Variants in PLXNA1 observed in about 807,000 individuals in gnomAD.
PLXNA1 encodes plexin A1.
In PLXNA1, 77 loss-of-function variants were observed where a neutral mutation model predicts 191.7. The ratio of observed to expected loss-of-function variants is 0.40; its 90% CI spans 0.33 to 0.49. The LOEUF (loss-of-function observed/expected upper bound fraction) is 0.49. Among genes scored for constraint, PLXNA1 ranks in the 20% least tolerant of loss-of-function variants. PLXNA1 has a pLI of 0.63. For synonymous variants in PLXNA1, 1,137 were observed against 1,156.4 expected, an observed-to-expected ratio of 0.98 and a Z score of 0.34; for missense variants, 2,110 against 2,660.2, an observed-to-expected ratio of 0.79 and a Z score of 4.55.
In PLXNA1 at chr3:127,016,932, G is replaced by C. The variant is rs758920864; in HGVS notation, c.3183-12G>C. On this transcript the variant is annotated splice_polypyrimidine_tract_variant and intron_variant, in intron 16 of 31. Coordinates refer to ENST00000393409, the MANE Select transcript of PLXNA1 (RefSeq NM_032242.4). ...ATCATTTGGTGACCCCCCCACCCCT[G>C]TCCTGTTCCAGCGGTGGGACCCTCC... 6.2e-7 allele frequency: 1 copy of C among 1,610,172 alleles called. No homozygotes were observed. The highest frequency in any genetic ancestry group is 8.5e-7 in the Non-Finnish European group (1 of 1,177,796).
At chr3:127,025,633 AT>A (rs1179261012) in intron 23 of PLXNA1, among the ~76,000 whole-genome samples, 1 of 152,188 alleles carries the variant, frequency 6.6e-6, no homozygotes, top group Non-Finnish European at 1.5e-5. Context: ...CCCTGGAACC[AT>A]TCTACTCTCT....
chr3:127,034,641 A>C lies in PLXNA1; in HGVS notation c.*624A>C, dbSNP rs1393589156. The C allele has an allele frequency of 6.6e-6, 1 of 152,576 alleles. No homozygotes were observed. Among genetic ancestry groups the C allele is most frequent in the Non-Finnish European group, 1.5e-5 (1 of 68,018 alleles). The allele number at this position is 152,576 out of a possible 1,614,324, so 9.5% of individuals were successfully genotyped here. A position where few individuals can be genotyped will look rare whatever the true frequency, so the allele number is the denominator to read the frequency against. On this transcript the variant is annotated 3_prime_UTR_variant, in exon 32 of 32. Coordinates refer to ENST00000393409, the MANE Select transcript of PLXNA1 (RefSeq NM_032242.4). Reference sequence around the variant, plus strand: ...ATTCACCGCGTGCTCTGCGCGGCCGAGGCCGGAGCACCACATCCACCTCGC... The same window carrying C: ...ATTCACCGCGTGCTCTGCGCGGCCGCGGCCGGAGCACCACATCCACCTCGC...
chr3:127,017,978 C>T (rs80135946), intron 19 of PLXNA1, 86 bp downstream of exon 19: 122,946 of 1,541,802 alleles, frequency 0.08, 6,393 homozygotes, highest in East Asian at 0.26. Context: ...CCAGCTCTGA[C>T]CTTGCCCGAG....
chr3:127,021,620 A>G (rs1226230268), intron 21 of PLXNA1, among the ~76,000 whole-genome samples: 2 of 152,076 alleles, frequency 1.3e-5, no homozygotes, highest in East Asian at 1.9e-4. Flanking sequence ...GCGGAGGGAG[A>G]TGGTAGACAT....
chr3:127,006,167 C>T lies in PLXNA1; in HGVS notation c.1986C>T (p.Ser662=), dbSNP rs373169511. ...ASVDFVFYNC[S]VHQSCLSCVN... is the part of the protein sequence containing the mutation. ...TGGACTTCGTCTTCTACAACTGCAG[C>T]GTCCACCAGTCGTGAGTGTCTCTAG... The change falls in exon 8 of 32, where the codon AGC becomes AGT. Residue 662 remains serine (S), a synonymous_variant. Coordinates refer to ENST00000393409, the MANE Select transcript of PLXNA1 (RefSeq NM_032242.4). 2.2e-5 allele frequency: 35 copies of T among 1,613,010 alleles called. No homozygotes were observed. The highest frequency in any genetic ancestry group is 5.3e-5 in the African/African-American group (4 of 74,918).
At position 126,989,011 on chromosome 3, in the gene PLXNA1, T is replaced by C; in HGVS notation, c.418T>C (p.Phe140Leu). Reference protein sequence around the residue: ...CGSASQGICQFLRLDDLFKLG... With the variant: ...CGSASQGICQLLRLDDLFKLG... ...CAGCGCCTCCCAGGGCATCTGCCAG[T>C]TCCTGCGTCTGGACGATCTCTTCAA... The change falls in exon 2 of 32, where the codon TTC (phenylalanine) becomes CTC (leucine). Residue 140 changes from phenylalanine to leucine, a missense_variant. Coordinates refer to ENST00000393409, the MANE Select transcript of PLXNA1 (RefSeq NM_032242.4). 2 of 1,613,282 alleles carry C rather than the reference T, an allele frequency of 1.2e-6. No individual in the cohort carries two copies. Among genetic ancestry groups the C allele is most frequent in the Non-Finnish European group, 1.7e-6 (2 of 1,180,018 alleles).
In PLXNA1 at chr3:127,036,161, G is replaced by A. The variant is rs2079241868; in HGVS notation, c.*2144G>A. ...TGGCTATGGTGGGGTGGGAACCTCA[G>A]TTTCCCCCAAAGTCTTCCCTGGATG... is the stretch of plus-strand genomic sequence containing the variant. On this transcript the variant is annotated 3_prime_UTR_variant, in exon 32 of 32. Transcript: ENST00000393409. The A allele has an allele frequency of 6.5e-6, 1 of 152,706 alleles. No individual in the cohort carries two copies. The highest frequency in any genetic ancestry group is 2.1e-4 in the South Asian group (1 of 4,832). 9.5% of individuals were successfully genotyped at this position (152,706 alleles called of 1,614,324 possible). A position where few individuals can be genotyped will look rare whatever the true frequency, so the allele number is the denominator to read the frequency against.
chr3:127,014,879 G>C, intron 14 of PLXNA1, 48 bp downstream of exon 14: 1 of 1,592,192 alleles, frequency 6.3e-7, no homozygotes, highest in South Asian at 1.1e-5. Context: ...TGCTCTGAGA[G>C]GGTGCCGCTC....
chr3:127,010,335 C>A (rs536982424), intron 9 of PLXNA1, among the ~76,000 whole-genome samples: 1 of 152,338 alleles, frequency 6.6e-6, no homozygotes, highest in Non-Finnish European at 1.5e-5. Context: ...ACCCACGCCA[C>A]TGCAGGCCTC....
At chr3:127,005,823 C>T (rs967335620) in intron 7 of PLXNA1, among the ~76,000 whole-genome samples, 4 of 152,176 alleles carry the variant, frequency 2.6e-5, no homozygotes, top group African/African-American at 9.7e-5. Context: ...GCTCTGCAGG[C>T]CCTTCCACAG....
At chr3:126,995,329 G>A (rs1056299592) in intron 3 of PLXNA1, among the ~76,000 whole-genome samples, 5 of 152,198 alleles carry the variant, frequency 3.3e-5, no homozygotes, top group Admixed American at 2.0e-4. Flanking sequence ...TGGGGACCCC[G>A]GGCCATGTCA....
At chr3:127,018,011 G>A (rs2079133421) in intron 19 of PLXNA1, 119 bp downstream of exon 19, 14 of 1,379,306 alleles carry the variant, frequency 1.0e-5, no homozygotes, top group Middle Eastern at 2.4e-4. Flanking sequence ...CTCAGAGGGC[G>A]CCCGGCTCCA....
At chr3:127,000,769 CAT>C (rs775469692) in intron 3 of PLXNA1, among the ~76,000 whole-genome samples, 26 of 152,204 alleles carry the variant, frequency 1.7e-4, no homozygotes, top group Non-Finnish European at 3.4e-4. Flanking sequence ...CCCTGTAGAA[CAT>C]GTGTGGGTGC....
At chr3:127,004,012 G>A (rs572122824) in intron 4 of PLXNA1, among the ~76,000 whole-genome samples, 5 of 152,236 alleles carry the variant, frequency 3.3e-5, no homozygotes, top group African/African-American at 7.2e-5. Flanking sequence ...TGGTAACCTC[G>A]TGGCAGCTGG....
At chr3:127,029,130 TC>T in intron 26 of PLXNA1, 34 bp downstream of exon 26, 1 of 1,533,686 alleles carries the variant, frequency 6.5e-7, no homozygotes, top group African/African-American at 1.4e-5. Flanking sequence ...AGCACAGGCC[TC>T]CCTCCCCTTG....
At position 127,011,984 on chromosome 3, in the gene PLXNA1, G is replaced by T. The variant is rs200969949; in HGVS notation, c.2139G>T (p.Thr713=). ...ACTGCCCACAGATCCTGCCCTCCACGCAGATCTACGTGCCAGTGGGAGTGG... is the reference window on the plus strand; with the variant it reads ...ACTGCCCACAGATCCTGCCCTCCACTCAGATCTACGTGCCAGTGGGAGTGG... The part of the protein sequence containing the change: ...SEDCPQILPS[T]QIYVPVGVVK... The change falls in exon 10 of 32, where the codon ACG becomes ACT. Residue 713 remains threonine, a synonymous_variant. Transcript: ENST00000393409. 4 of 1,613,522 alleles carry T rather than the reference G, an allele frequency of 2.5e-6. No individual in the cohort carries two copies. The highest frequency in any genetic ancestry group is 3.4e-6 in the Non-Finnish European group (4 of 1,179,934).
rs2107640238 is a variant in PLXNA1 at position 127,034,199 on chromosome 3, A to G, written c.*182A>G. ...TCCCGGCTCTTCCTGTGTGGAGGTG[A>G]TGGTACCTGCCACACCACAGCTGCG... On this transcript the variant is annotated 3_prime_UTR_variant, in exon 32 of 32. Transcript: ENST00000393409. 2 of 573,002 alleles carry G rather than the reference A, an allele frequency of 3.5e-6. No individual in the cohort carries two copies. Among genetic ancestry groups the G allele is most frequent in the Middle Eastern group, 9.3e-4 (2 of 2,152 alleles). 35.5% of individuals were successfully genotyped at this position (573,002 alleles called of 1,614,324 possible).
At chr3:127,013,723 G>A (rs2079106994) in intron 10 of PLXNA1, among the ~76,000 whole-genome samples, 1 of 152,238 alleles carries the variant, frequency 6.6e-6, no homozygotes, top group Admixed American at 6.5e-5. Flanking sequence ...CTGGCTGACT[G>A]TAGGGAGTGG....
At chr3:127,005,520 G>C (rs547351949) in intron 7 of PLXNA1, among the ~76,000 whole-genome samples, 1 of 152,292 alleles carries the variant, frequency 6.6e-6, no homozygotes, top group Non-Finnish European at 1.5e-5. Context: ...TTTACAGTAG[G>C]AATAGCCATA....
Sources: gnomAD v4.1 joint callset for allele counts (sites outside exome capture counted in the v4.1 genomes callset) on GRCh38, gnomAD v4.1.1 for gene constraint, MANE v1.5 for transcripts, NCBI Gene and HGNC (gene_info 2026-07-23, HGNC 2026-07-21) for gene names.